Variants in TRPC4 observed in about 807,000 individuals in gnomAD.
TRPC4 encodes transient receptor potential cation channel subfamily C member 4.
TRPC4 carries 49 observed loss-of-function variants against 99.4 expected under a neutral mutation model. That is an observed-to-expected ratio of 0.49 (90% CI 0.39 to 0.63). TRPC4 has a LOEUF of 0.63. Ranked by LOEUF, TRPC4 falls within the 20% of genes least tolerant of loss-of-function variation. TRPC4 has a pLI of 0.00. For missense variants in TRPC4, 898 were observed against 1,152.9 expected, an observed-to-expected ratio of 0.78 and a Z score of 3.20; for synonymous variants, 454 against 425.9, an observed-to-expected ratio of 1.07 and a Z score of -0.81.
rs1566067308 is a variant in TRPC4 at position 37,649,749 on chromosome 13, A to AAAAC, written c.2079+1515_2079+1516insGTTT. Among the ~76,000 whole-genome samples the AAAAC allele has an allele frequency of 4.3e-5, 6 of 139,892 alleles. 1 individual carries two copies. In the East Asian group the frequency reaches 1.2e-3, roughly 29 times the overall value. 91.8% of individuals were successfully genotyped at this position (139,892 alleles called of 152,430 possible). On this transcript the variant is annotated intron_variant, in intron 8 of 10. Coordinates refer to ENST00000379705, the MANE Select transcript of TRPC4 (RefSeq NM_016179.4). ...TCCGTCTCAAAAAAAAAAAAAAAAA[A>AAAAC]AAAAAAAAAAACAACAACAAAGAAC...
intron 3 of TRPC4, among the ~76,000 whole-genome samples, chr13:37,718,435 A>G (rs1436185512): frequency 6.6e-6 from 1 of 151,968 alleles, no homozygotes; most frequent in Non-Finnish European, 1.5e-5. Context: ...GAGAAAAGAC[A>G]ATCAATGAAG....
intron 6 of TRPC4, among the ~76,000 whole-genome samples, chr13:37,657,247 A>G (rs1952269837): frequency 6.6e-6 from 1 of 152,230 alleles, no homozygotes; most frequent in South Asian, 2.1e-4. Flanking sequence ...TGATTCTTAA[A>G]TGGAATGCTG....
At chr13:37,756,191 T>C (rs1467994911) in intron 2 of TRPC4, among the ~76,000 whole-genome samples, 2 of 152,206 alleles carry the variant, frequency 1.3e-5, no homozygotes, top group African/African-American at 2.4e-5. Context: ...CACACATACA[T>C]ACACACACAT....
intron 5 of TRPC4, among the ~76,000 whole-genome samples, chr13:37,673,334 G>T (rs1313809851): frequency 1.3e-5 from 2 of 151,934 alleles, no homozygotes; most frequent in African/African-American, 2.4e-5. Flanking sequence ...ATACCTGAAG[G>T]TTGCCCACAG....
intron 2 of TRPC4, among the ~76,000 whole-genome samples, chr13:37,770,937 G>A (rs943352865): frequency 7.3e-5 from 11 of 151,384 alleles, no homozygotes; most frequent in South Asian, 2.1e-4. Flanking sequence ...GAAACACAAT[G>A]GTACTTGTCT....
intron 1 of TRPC4, among the ~76,000 whole-genome samples, chr13:37,840,707 T>C (rs941703929): frequency 6.6e-6 from 1 of 152,092 alleles, no homozygotes; most frequent in African/African-American, 2.4e-5. Context: ...AGCTACTTTC[T>C]AACATTAGTG....
intron 3 of TRPC4, among the ~76,000 whole-genome samples, chr13:37,734,350 T>C (rs1365432516): frequency 6.6e-6 from 1 of 152,154 alleles, no homozygotes; most frequent in African/African-American, 2.4e-5. Context: ...CTGAAAGAAA[T>C]TTGAACTTGG....
At chr13:37,760,179 C>A (rs751558157) in intron 2 of TRPC4, among the ~76,000 whole-genome samples, 8 of 151,870 alleles carry the variant, frequency 5.3e-5, no homozygotes, top group Non-Finnish European at 7.4e-5. Context: ...ATCTGAACTA[C>A]TTTATTTGAT....
intron 6 of TRPC4, among the ~76,000 whole-genome samples, chr13:37,658,710 A>G (rs1952326400): frequency 1.3e-5 from 2 of 152,206 alleles, no homozygotes; most frequent in Admixed American, 1.3e-4. Context: ...AAAATTGCAC[A>G]TAGAATAGTT....
chr13:37,724,732 G>A (rs1954986082), intron 3 of TRPC4, among the ~76,000 whole-genome samples: 2 of 152,046 alleles, frequency 1.3e-5, no homozygotes, highest in African/African-American at 4.8e-5. Context: ...ACATCTTTTT[G>A]GCAAGGCCCA....
chr13:37,815,102 G>T (rs1219425318), intron 1 of TRPC4, among the ~76,000 whole-genome samples: 2 of 151,664 alleles, frequency 1.3e-5, no homozygotes, highest in East Asian at 3.9e-4. Flanking sequence ...AATAAACAGT[G>T]CTGAGATGAC....
intron 1 of TRPC4, among the ~76,000 whole-genome samples, chr13:37,823,083 C>G (rs1487735087): frequency 1.3e-5 from 2 of 151,460 alleles, no homozygotes; most frequent in Non-Finnish European, 2.9e-5. Context: ...TGAGAAGTGT[C>G]TGTTCATATC....
chr13:37,797,465 G>A (rs1292482967), intron 1 of TRPC4, among the ~76,000 whole-genome samples: 1 of 152,082 alleles, frequency 6.6e-6, no homozygotes, highest in African/African-American at 2.4e-5. Flanking sequence ...TCCCTTTGCT[G>A]TTCTCTGAAT....
chr13:37,657,705 A>T (rs1156319757), intron 6 of TRPC4, among the ~76,000 whole-genome samples: 1 of 152,170 alleles, frequency 6.6e-6, no homozygotes, highest in Non-Finnish European at 1.5e-5. Context: ...TAAACCACTT[A>T]TTATTTTGAA....
intron 1 of TRPC4, among the ~76,000 whole-genome samples, chr13:37,856,134 C>T (rs1259199780): frequency 2.0e-5 from 3 of 151,240 alleles, no homozygotes; most frequent in Non-Finnish European, 4.4e-5. Flanking sequence ...AAACCTCTGG[C>T]CTGACTAAGA....
At chr13:37,838,837 G>A (rs192554326) in intron 1 of TRPC4, among the ~76,000 whole-genome samples, 68 of 152,180 alleles carry the variant, frequency 4.5e-4, no homozygotes, top group Non-Finnish European at 8.1e-4. Context: ...TTGCTGGGAG[G>A]TCTTGAGTCT....
intron 1 of TRPC4, among the ~76,000 whole-genome samples, chr13:37,853,986 AG>A (rs1959120437): frequency 1.3e-5 from 2 of 152,160 alleles, no homozygotes; most frequent in South Asian, 4.1e-4. Context: ...GAGGAAGTAG[AG>A]AAAGAGATAG....
At chr13:37,819,853 T>C (rs575830691) in intron 1 of TRPC4, among the ~76,000 whole-genome samples, 12 of 145,754 alleles carry the variant, frequency 8.2e-5, no homozygotes, top group Admixed American at 2.0e-4. Flanking sequence ...AAAAAAGATG[T>C]CAAATTAACA....
intron 2 of TRPC4, among the ~76,000 whole-genome samples, chr13:37,758,244 T>G (rs1306882002): frequency 6.6e-6 from 1 of 151,814 alleles, no homozygotes; most frequent in Non-Finnish European, 1.5e-5. Context: ...AATGTAAAAT[T>G]TTCTGGTAAG....
Sources: allele counts gnomAD v4.1 joint callset (sites outside exome capture counted in the v4.1 genomes callset), GRCh38; gene constraint gnomAD v4.1.1; transcripts MANE v1.5; gene names NCBI Gene and HGNC (gene_info 2026-07-23, HGNC 2026-07-21).